SGCD: variants seen among roughly 807,000 people sequenced by gnomAD.
SGCD encodes delta-sarcoglycan.
In SGCD, 18 loss-of-function variants were observed where a neutral mutation model predicts 36.6. That is an observed-to-expected ratio of 0.49 (90% CI 0.34 to 0.73). The LOEUF is 0.73. Among genes scored for constraint, SGCD ranks in the 30% least tolerant of loss-of-function variants. SGCD has a pLI of 0.01. For missense variants in SGCD, 387 were observed against 346.7 expected (o/e 1.12, Z -0.92); for synonymous variants, 133 against 130.6 (o/e 1.02, Z -0.12).
chr5:156,667,720 C>G (rs1003696322), intron 7 of SGCD, among the ~76,000 whole-genome samples: 5 of 152,290 alleles, frequency 3.3e-5, no homozygotes, highest in Admixed American at 1.3e-4. Context: ...CTTAAGCTCT[C>G]CTAGTCCTAA....
intron 7 of SGCD, among the ~76,000 whole-genome samples, chr5:156,669,145 A>G (rs546982600): frequency 2.0e-5 from 3 of 152,264 alleles, no homozygotes; most frequent in South Asian, 2.1e-4. Context: ...TAGATAGTCC[A>G]GCTTGTGGGT....
At chr5:156,602,406 C>T (rs762343487) in intron 6 of SGCD, among the ~76,000 whole-genome samples, 1 of 151,996 alleles carries the variant, frequency 6.6e-6, no homozygotes, top group Non-Finnish European at 1.5e-5. Context: ...TTATCATCTG[C>T]AAACAGGGAC....
chr5:155,878,847 A>G (rs1265399539), intron 1 of SGCD, among the ~76,000 whole-genome samples: 1 of 152,178 alleles, frequency 6.6e-6, no homozygotes, highest in African/African-American at 2.4e-5. Context: ...GAGGCAAGAA[A>G]CAAATTCAAT....
At chr5:155,988,347 C>T (rs904253134) in intron 1 of SGCD, among the ~76,000 whole-genome samples, 3 of 152,126 alleles carry the variant, frequency 2.0e-5, no homozygotes, top group Non-Finnish European at 4.4e-5. Context: ...AAGACTCCCC[C>T]CCGACCCCAT....
At chr5:155,882,245 T>C (rs1755902135) in intron 1 of SGCD, among the ~76,000 whole-genome samples, 1 of 151,888 alleles carries the variant, frequency 6.6e-6, no homozygotes, top group African/African-American at 2.4e-5. Context: ...CTGACTTTTT[T>C]TTAAAAAACT....
At chr5:156,127,273 A>G (rs1485345880) in intron 3 of SGCD, among the ~76,000 whole-genome samples, 1 of 152,164 alleles carries the variant, frequency 6.6e-6, no homozygotes, top group Non-Finnish European at 1.5e-5. Context: ...TTTAAATCTA[A>G]ACTTAAAATA....
intron 3 of SGCD, among the ~76,000 whole-genome samples, chr5:156,229,926 T>G (rs1764972501): frequency 6.6e-6 from 1 of 152,230 alleles, no homozygotes; most frequent in Non-Finnish European, 1.5e-5. Flanking sequence ...GTTCCGAATT[T>G]CTTTCTTCTA....
chr5:155,976,824 G>A (rs573665411), intron 1 of SGCD, among the ~76,000 whole-genome samples: 1 of 152,084 alleles, frequency 6.6e-6, no homozygotes, highest in African/African-American at 2.4e-5. Context: ...AAATCCTCCT[G>A]AACCCTCCAG....
chr5:156,303,396 G>A (rs1320278811), intron 3 of SGCD, among the ~76,000 whole-genome samples: 1 of 152,154 alleles, frequency 6.6e-6, no homozygotes, highest in Non-Finnish European at 1.5e-5. Context: ...GTAACCAAGG[G>A]TGGTTCCAGA....
Position 156,304,149 on chromosome 5 carries a change from A to T in SGCD, c.-43-25385A>T, listed in dbSNP as rs1056926939. ...CAGAATTCAGGTTCTGATTGCTGAGATGGGTAACTTCCCTCTGGCTAATCT... is the reference window on the plus strand; with the variant it reads ...CAGAATTCAGGTTCTGATTGCTGAGTTGGGTAACTTCCCTCTGGCTAATCT... On this transcript the variant is annotated intron_variant, in intron 3 of 9. Coordinates refer to the SGCD transcript ENST00000517913. 5.9e-5 allele frequency among the ~76,000 whole-genome samples: 9 copies of T among 152,234 alleles called. 1 individual carries two copies. In the South Asian group the frequency reaches 1.9e-3, roughly 32 times the overall value.
At chr5:155,736,079 G>A in the SGCD span, among the ~76,000 whole-genome samples, 3 of 152,154 alleles carry the variant, frequency 2.0e-5, no homozygotes, top group African/African-American at 7.2e-5. Flanking sequence ...AAATGGATCA[G>A]CCTAACTACA....
the SGCD span, among the ~76,000 whole-genome samples, chr5:155,737,905 G>A: frequency 6.6e-6 from 1 of 152,140 alleles, no homozygotes. Context: ...AACCTGTGGT[G>A]TAATGGGACA....
At chr5:156,237,550 A>G (rs978995186) in intron 3 of SGCD, among the ~76,000 whole-genome samples, 18 of 152,156 alleles carry the variant, frequency 1.2e-4, no homozygotes, top group African/African-American at 3.9e-4. Context: ...GGTTGAAACC[A>G]GAAGGCAGAG....
chr5:155,914,702 C>A (rs1250421542), intron 1 of SGCD, among the ~76,000 whole-genome samples: 1 of 152,164 alleles, frequency 6.6e-6, no homozygotes, highest in Non-Finnish European at 1.5e-5. Flanking sequence ...TATGCTTCAA[C>A]AGATTCCAGT....
chr5:156,344,032 T>A (rs1768810441), intron 2 of SGCD, among the ~76,000 whole-genome samples: 1 of 148,976 alleles, frequency 6.7e-6, no homozygotes, highest in African/African-American at 2.5e-5. Flanking sequence ...AGAATGATAG[T>A]GTTCAAAATT....
At chr5:155,916,702 T>C (rs1756750239) in intron 1 of SGCD, among the ~76,000 whole-genome samples, 1 of 152,236 alleles carries the variant, frequency 6.6e-6, no homozygotes, top group African/African-American at 2.4e-5. Context: ...GATTGTCCTA[T>C]GGTGATTTTT....
At chr5:155,788,507 G>C in the SGCD span, among the ~76,000 whole-genome samples, 28 of 152,140 alleles carry the variant, frequency 1.8e-4, no homozygotes, top group Non-Finnish European at 3.5e-4. Context: ...ATCTATGTTA[G>C]GTAGAATTCT....
chr5:156,753,562 C>G (rs890248638), intron 7 of SGCD, among the ~76,000 whole-genome samples: 1 of 152,188 alleles, frequency 6.6e-6, no homozygotes, highest in African/African-American at 2.4e-5. Flanking sequence ...AAGAACTGCC[C>G]GAGGCTGGGT....
intron 7 of SGCD, among the ~76,000 whole-genome samples, chr5:156,717,945 A>G (rs1350467773): frequency 3.3e-5 from 5 of 151,976 alleles, no homozygotes; most frequent in African/African-American, 1.2e-4. Context: ...GCCTCTAGGG[A>G]TCTGTAGGCA....
Sources: gnomAD v4.1 joint callset for allele counts (sites outside exome capture counted in the v4.1 genomes callset) on GRCh38, gnomAD v4.1.1 for gene constraint, MANE v1.5 for transcripts, NCBI Gene and HGNC (gene_info 2026-07-23, HGNC 2026-07-21) for gene names.